UHMK1: variants seen among roughly 807,000 people sequenced by gnomAD.
The protein encoded by UHMK1 is serine/threonine-protein kinase Kist.
UHMK1 carries 18 observed loss-of-function variants against 44.0 expected under a neutral mutation model. That is an observed-to-expected ratio of 0.41 (90% CI 0.28 to 0.61). The LOEUF (loss-of-function observed/expected upper bound fraction) is 0.61, where lower values mean the gene tolerates loss of function less well. Ranked by LOEUF, UHMK1 falls within the 20% of genes least tolerant of loss-of-function variation. The pLI is 0.31. For synonymous variants in UHMK1, 231 were observed against 198.5 expected, an observed-to-expected ratio of 1.16 and a Z score of -1.38; for missense variants, 463 against 522.5, an observed-to-expected ratio of 0.89 and a Z score of 1.11.
At chr1:162,506,224 C>T (rs1382718723) in intron 4 of UHMK1, among the ~76,000 whole-genome samples, 3 of 2,294 alleles carry the variant, frequency 1.3e-3, no homozygotes, top group African/African-American at 5.3e-3. Context: ...TAAATAATAG[C>T]CCCCCCCCCC....
At chr1:162,515,416 TCTC>T (rs896327291) in intron 6 of UHMK1, among the ~76,000 whole-genome samples, 3 of 152,296 alleles carry the variant, frequency 2.0e-5, no homozygotes, top group South Asian at 4.1e-4. Context: ...TATTAAATAT[TCTC>T]CTTGTAGAAA....
chr1:162,498,732 A>G lies in UHMK1; in HGVS notation c.268+464A>G, dbSNP rs1651157988. Among the ~76,000 whole-genome samples, 4 of 152,316 alleles carry G rather than the reference A, an allele frequency of 2.6e-5. 1 individual carries two copies. Among genetic ancestry groups the G allele is most frequent in the South Asian group, 4.1e-4 (2 of 4,822 alleles). ...TTTGGAAGAAATGATGCACTATTCCATGGGAGCCTTTATAGAAGTGTGAAA... is the reference window on the plus strand; with the variant it reads ...TTTGGAAGAAATGATGCACTATTCCGTGGGAGCCTTTATAGAAGTGTGAAA... On this transcript the variant is annotated intron_variant, in intron 1 of 7. Coordinates refer to ENST00000489294, the MANE Select transcript of UHMK1 (RefSeq NM_175866.5).
chr1:162,506,127 G>A (rs1017064352), intron 4 of UHMK1, among the ~76,000 whole-genome samples: 5 of 151,984 alleles, frequency 3.3e-5, no homozygotes, highest in Middle Eastern at 3.4e-3. Context: ...TGAAGAGATG[G>A]GAATGAAAAA....
At chr1:162,515,593 A>G (rs1447109457) in intron 6 of UHMK1, among the ~76,000 whole-genome samples, 2 of 152,110 alleles carry the variant, frequency 1.3e-5, no homozygotes, top group African/African-American at 4.8e-5. Context: ...TGCCCTCAGC[A>G]TTGTTTCAGG....
intron 3 of UHMK1, 56 bp downstream of exon 3, chr1:162,501,160 A>G: frequency 1.3e-6 from 2 of 1,514,814 alleles, no homozygotes; most frequent in Non-Finnish European, 1.8e-6. Context: ...AAGAGTATTC[A>G]ATTTATGATG....
chr1:162,502,983 T>A (rs1651331266), intron 3 of UHMK1, among the ~76,000 whole-genome samples: 1 of 152,206 alleles, frequency 6.6e-6, no homozygotes, highest in South Asian at 2.1e-4. Context: ...AGTTCTAAAT[T>A]GTGAGTTAGC....
chr1:162,497,766 G>GC (rs60701613), upstream of UHMK1: 269,486 of 1,237,118 alleles, frequency 0.22, 30,211 homozygotes, highest in Admixed American at 0.27. Flanking sequence ...CCCCTTCTGA[G>GC]CCCCCCCTCC....
rs1247224066 is a variant in UHMK1, at chr1:162,500,126, C to T, written c.440C>T (p.Ala147Val). 13 of 1,614,054 alleles carry T rather than the reference C, an allele frequency of 8.1e-6. No homozygotes were observed. The highest frequency in any genetic ancestry group is 1.1e-5 in the Non-Finnish European group (13 of 1,180,044). Residue 147 changes from alanine to valine, a missense_variant, in exon 2 of 8, where the codon GCT becomes GTT. By Grantham distance (64) the Ala-to-Val change is moderately conservative. This residue lies in a region of UHMK1 where 264 missense variants were observed against 326.3 expected (regional missense o/e 0.81). Transcript: ENST00000489294. ...GCCCGAGATGTTTTGGAGGCCCTTGCTTTTCTTCATCATGAGGGCTATGTC... is the reference window on the plus strand; with the variant it reads ...GCCCGAGATGTTTTGGAGGCCCTTGTTTTTCTTCATCATGAGGGCTATGTC... ...HCARDVLEAL[A>V]FLHHEGYVHA...
intron 4 of UHMK1, among the ~76,000 whole-genome samples, chr1:162,506,800 G>A (rs1172007785): frequency 1.3e-5 from 2 of 152,052 alleles, no homozygotes; most frequent in African/African-American, 4.8e-5. Flanking sequence ...GGAGGTGGAG[G>A]TTGCAGTGAG....
At chr1:162,509,212 A>G (rs952742155) in intron 4 of UHMK1, among the ~76,000 whole-genome samples, 2 of 152,116 alleles carry the variant, frequency 1.3e-5, no homozygotes, top group South Asian at 4.1e-4. Context: ...AATATTCCCC[A>G]AAAAGTGGCT....
chr1:162,520,645 C>T (rs1017505152), intron 7 of UHMK1, among the ~76,000 whole-genome samples: 6 of 152,046 alleles, frequency 3.9e-5, no homozygotes, highest in Non-Finnish European at 5.9e-5. Context: ...GATCCAAGGC[C>T]CTGAGTATTC....
chr1:162,513,225 C>G (rs967155046), intron 6 of UHMK1: 1 of 182,318 alleles, frequency 5.5e-6, no homozygotes, highest in South Asian at 1.1e-4. Context: ...CAGGTGTGAG[C>G]CACTGTGCCC....
At chr1:162,498,669 TA>T (rs1651155801) in intron 1 of UHMK1, among the ~76,000 whole-genome samples, 1 of 152,218 alleles carries the variant, frequency 6.6e-6, no homozygotes, top group African/African-American at 2.4e-5. Flanking sequence ...TCAATGCTAG[TA>T]ACTCGTATAG....
Position 162,512,520 on chromosome 1 carries a change from G to A in UHMK1, c.869G>A (p.Ser290Asn). 1.9e-6 allele frequency: 3 copies of A among 1,612,692 alleles called. No individual in the cohort carries two copies. Among genetic ancestry groups the A allele is most frequent in the Non-Finnish European group, 2.5e-6 (3 of 1,179,728 alleles). ...LIKSMLHDDPSRRIPAEMALC... is the reference protein window; with the variant it reads ...LIKSMLHDDPNRRIPAEMALC... ...TTTAGCATGCTTCATGATGATCCAA[G>A]CAGAAGAATTCCTGCTGAAATGGCA... Residue 290 changes from serine to asparagine, a missense_variant, in exon 5 of 8, where the codon AGC becomes AAC. By Grantham distance (46) the Ser-to-Asn change is conservative. This residue lies in a region of UHMK1 where 264 missense variants were observed against 326.3 expected (regional missense o/e 0.81). Coordinates refer to ENST00000489294, the MANE Select transcript of UHMK1 (RefSeq NM_175866.5).
intron 4 of UHMK1, among the ~76,000 whole-genome samples, chr1:162,504,758 A>C (rs1247331358): frequency 6.6e-6 from 1 of 152,080 alleles, no homozygotes; most frequent in East Asian, 1.9e-4. Context: ...CTTTGCCTAC[A>C]CTAAATTTAT....
At chr1:162,517,254 G>C (rs565231640) in intron 6 of UHMK1, among the ~76,000 whole-genome samples, 1 of 152,202 alleles carries the variant, frequency 6.6e-6, no homozygotes, top group East Asian at 1.9e-4. Context: ...AGCCGAGATC[G>C]TGCCACTACA....
chr1:162,519,310 C>T lies in UHMK1; in HGVS notation c.1113+1120C>T, dbSNP rs199784874. Among the ~76,000 whole-genome samples the T allele has an allele frequency of 1.0e-4, 7 of 67,094 alleles. No homozygotes were observed. The East Asian group carries it at 3.6e-3, about 34-fold the overall frequency. The allele number at this position is 67,094 out of a possible 152,430, so 44.0% of individuals were successfully genotyped here. ...CAGCCTGGGTGACAGAGCGAGACTC[C>T]ATCTTAAAAAAAAAAAAAACAGTAA... is the stretch of plus-strand genomic sequence containing the variant. On this transcript the variant is annotated intron_variant, in intron 7 of 7. Coordinates refer to ENST00000489294, the MANE Select transcript of UHMK1 (RefSeq NM_175866.5).
chr1:162,500,356 C>A, intron 2 of UHMK1, 109 bp downstream of exon 2: 4 of 1,276,916 alleles, frequency 3.1e-6, no homozygotes, highest in Non-Finnish European at 3.2e-6. Flanking sequence ...TCATTTTAAC[C>A]TAAATTACTG....
chr1:162,514,896 A>T (rs1293119035), intron 6 of UHMK1, among the ~76,000 whole-genome samples: 1 of 152,210 alleles, frequency 6.6e-6, no homozygotes. Flanking sequence ...TTATAAGTAA[A>T]AGTAGGTAGG....
Sources: allele counts gnomAD v4.1 joint callset (sites outside exome capture counted in the v4.1 genomes callset), GRCh38; gene constraint gnomAD v4.1.1; regional missense constraint gnomAD v4.1.1; transcripts MANE v1.5; gene names NCBI Gene and HGNC (gene_info 2026-07-23, HGNC 2026-07-21).